LUC7L: variants seen among roughly 807,000 people sequenced by gnomAD.
LUC7L encodes the protein putative RNA-binding protein Luc7-like 1.
Under a neutral mutation model 51.1 loss-of-function variants are expected in LUC7L, and 29 were observed. The ratio of observed to expected loss-of-function variants is 0.57; its 90% confidence interval spans 0.42 to 0.77. The LOEUF (loss-of-function observed/expected upper bound fraction) is 0.77. LUC7L is among the 30% of genes least tolerant of loss of function. The pLI, the probability that LUC7L is intolerant of heterozygous loss-of-function variation, is 0.00. For missense variants in LUC7L, 403 were observed against 511.9 expected (o/e 0.79, Z 2.05); for synonymous variants, 181 against 180.7 (o/e 1.00, Z -0.01).
intron 1 of LUC7L, chr16:227,631 T>G: frequency 2.6e-5 from 31 of 1,187,818 alleles, no homozygotes; most frequent in Non-Finnish European, 3.3e-5. Flanking sequence ...TGGCTCCACA[T>G]ATACATGTGG....
chr16:190,197 C>T (rs527537607), intron 8 of LUC7L, 62 bp from the exon 9 acceptor site: 397 of 1,401,202 alleles, frequency 2.8e-4, no homozygotes, highest in Non-Finnish European at 3.7e-4. Context: ...GAGGGCCCCA[C>T]CCCTCAGCAG....
chr16:194,403 A>G (rs549098623), intron 6 of LUC7L, among the ~76,000 whole-genome samples: 1 of 152,316 alleles, frequency 6.6e-6, no homozygotes, highest in South Asian at 2.1e-4. Flanking sequence ...CACCCAGCCT[A>G]TCATTAGATT....
At chr16:200,692 A>G (rs1253313344) in intron 5 of LUC7L, among the ~76,000 whole-genome samples, 1 of 152,160 alleles carries the variant, frequency 6.6e-6, no homozygotes. Context: ...GATCACCCTG[A>G]GCAACACAGC....
chr16:227,430 C>G (rs2050159493), intron 1 of LUC7L, 94 bp from the exon 2 acceptor site: 1 of 1,515,642 alleles, frequency 6.6e-7, no homozygotes, highest in African/African-American at 1.4e-5. Context: ...GATTTGCAGA[C>G]TATCATTTCT....
chr16:198,950 G>T, intron 6 of LUC7L, 112 bp downstream of exon 6: 3 of 1,073,826 alleles, frequency 2.8e-6, no homozygotes, highest in Non-Finnish European at 3.9e-6. Flanking sequence ...AAAGTGCTGG[G>T]ATTATAGGCA....
At chr16:198,642 C>T (rs768781909) in intron 6 of LUC7L, among the ~76,000 whole-genome samples, 6 of 152,010 alleles carry the variant, frequency 3.9e-5, no homozygotes, top group Non-Finnish European at 7.4e-5. Context: ...ATGAAATCTG[C>T]GTATTTCACT....
At chr16:222,921 C>T (rs866188713) in intron 2 of LUC7L, among the ~76,000 whole-genome samples, 81 of 144,920 alleles carry the variant, frequency 5.6e-4, no homozygotes, top group Middle Eastern at 7.4e-3. Flanking sequence ...TGAGCCACCT[C>T]GCCCAGCTTT....
chr16:193,937 G>A (rs1282274208), intron 6 of LUC7L, among the ~76,000 whole-genome samples: 1 of 151,424 alleles, frequency 6.6e-6, no homozygotes, highest in Non-Finnish European at 1.5e-5. Flanking sequence ...CGGAGTAGCT[G>A]GGATTACAGG....
intron 1 of LUC7L, chr16:228,135 T>C: frequency 8.8e-7 from 1 of 1,132,114 alleles, no homozygotes; most frequent in Non-Finnish European, 1.1e-6. Context: ...TGACAAATTT[T>C]AAAGCTAGTC....
intron 3 of LUC7L, chr16:209,306 A>G (rs1239772174): frequency 1.3e-5 from 2 of 152,178 alleles, no homozygotes; most frequent in Admixed American, 1.3e-4. Context: ...CCTTCCCAAT[A>G]CAGTGAAGCC....
In LUC7L at chr16:190,170, A is replaced by G. The variant is rs368480143; in HGVS notation, c.807-35T>C. ...CAGAAGGCTCCAAGGCTGAGACTCT[A>G]TAGGTGCCAACACTATGAGGGCCCC... On this transcript the variant is annotated intron_variant, in intron 8 of 9. Transcript: ENST00000293872. 40 of 1,578,460 alleles carry G rather than the reference A, an allele frequency of 2.5e-5. No homozygotes were observed. In the African/African-American group the frequency reaches 5.1e-4, roughly 20 times the overall value.
At chr16:223,941 G>A (rs193000318) in intron 2 of LUC7L, among the ~76,000 whole-genome samples, 4 of 151,948 alleles carry the variant, frequency 2.6e-5, no homozygotes, top group Non-Finnish European at 5.9e-5. Flanking sequence ...TCCTCCCGAA[G>A]TGCTGGGATT....
At chr16:211,037 G>C (rs10454709) in intron 3 of LUC7L, among the ~76,000 whole-genome samples, 19 of 140,796 alleles carry the variant, frequency 1.3e-4, no homozygotes, top group South Asian at 4.6e-4. Context: ...TGGGTGACAG[G>C]GCAACACTCC....
intron 2 of LUC7L, among the ~76,000 whole-genome samples, chr16:223,498 G>A (rs1370484895): frequency 6.6e-6 from 1 of 152,122 alleles, no homozygotes. Context: ...TTATTTTGAC[G>A]AAAGATTGAC....
chr16:189,634 A>G (rs1186462571), intron 9 of LUC7L: 2 of 1,289,702 alleles, frequency 1.6e-6, no homozygotes, highest in African/African-American at 3.0e-5. Context: ...AACACAATGG[A>G]AAAAAAAATA....
At chr16:191,170 T>G (rs182129538) in intron 7 of LUC7L, among the ~76,000 whole-genome samples, 1 of 152,334 alleles carries the variant, frequency 6.6e-6, no homozygotes, top group African/African-American at 2.4e-5. Context: ...CTGACTGTGC[T>G]GCACTCAAGT....
intron 5 of LUC7L, among the ~76,000 whole-genome samples, chr16:205,626 G>A (rs2049461209): frequency 6.6e-6 from 1 of 152,186 alleles, no homozygotes; most frequent in Non-Finnish European, 1.5e-5. Flanking sequence ...GTCTCGCTCT[G>A]TCGCCCAGGC....
At chr16:210,547 T>C (rs2049610083) in intron 3 of LUC7L, among the ~76,000 whole-genome samples, 1 of 152,166 alleles carries the variant, frequency 6.6e-6, no homozygotes, top group Admixed American at 6.6e-5. Context: ...CAGTCTGAGA[T>C]GCTCCAGGTT....
intron 6 of LUC7L, among the ~76,000 whole-genome samples, chr16:198,101 T>C (rs570667072): frequency 6.6e-6 from 1 of 151,722 alleles, no homozygotes; most frequent in South Asian, 2.1e-4. Flanking sequence ...GCCCCGTCTC[T>C]ACTAAAAATA....
Sources: allele counts gnomAD v4.1 joint callset (sites outside exome capture counted in the v4.1 genomes callset), GRCh38; gene constraint gnomAD v4.1.1; transcripts MANE v1.5; gene names NCBI Gene and HGNC (gene_info 2026-07-23, HGNC 2026-07-21).